RGS6: variants seen among roughly 807,000 people sequenced by gnomAD.
The protein encoded by RGS6 is regulator of G protein signaling 6.
Under a neutral mutation model 78.5 loss-of-function variants are expected in RGS6, and 30 were observed. That is an observed-to-expected ratio of 0.38 (90% CI 0.29 to 0.52). RGS6 has a LOEUF of 0.52. Among genes scored for constraint, RGS6 ranks in the 20% least tolerant of loss-of-function variants. RGS6 has a pLI of 0.85. For missense variants in RGS6, 495 were observed against 609.7 expected, an observed-to-expected ratio of 0.81 and a Z score of 1.98; for synonymous variants, 206 against 206.0, an observed-to-expected ratio of 1.00 and a Z score of 0.00.
chr14:71,963,976 C>A (rs2093362627), intron 1 of RGS6, among the ~76,000 whole-genome samples: 1 of 151,456 alleles, frequency 6.6e-6, no homozygotes, highest in Non-Finnish European at 1.5e-5. Flanking sequence ...ACATTCCTAC[C>A]AGCAATGTTT....
intron 2 of RGS6, among the ~76,000 whole-genome samples, chr14:72,294,593 C>T (rs1346464419): frequency 1.3e-5 from 2 of 152,130 alleles, no homozygotes; most frequent in Non-Finnish European, 2.9e-5. Flanking sequence ...TTGCTGGAGG[C>T]TGTGCAGGAA....
chr14:72,334,211 G>A (rs913636596), intron 2 of RGS6, among the ~76,000 whole-genome samples: 3 of 152,232 alleles, frequency 2.0e-5, no homozygotes, highest in African/African-American at 7.2e-5. Flanking sequence ...TTCCCCATAA[G>A]GCTCAGTGCT....
intron 2 of RGS6, among the ~76,000 whole-genome samples, chr14:72,254,792 G>A (rs2056704212): frequency 6.6e-6 from 1 of 152,158 alleles, no homozygotes; most frequent in Non-Finnish European, 1.5e-5. Context: ...AGAACATCCA[G>A]TCCCTGTACA....
At chr14:72,502,939 C>A (rs571454379) in intron 13 of RGS6, among the ~76,000 whole-genome samples, 1 of 152,128 alleles carries the variant, frequency 6.6e-6, no homozygotes, top group Non-Finnish European at 1.5e-5. Context: ...TGCCTTATTT[C>A]GTAATTTTTC....
intron 3 of RGS6, among the ~76,000 whole-genome samples, chr14:72,406,586 G>T (rs990926870): frequency 5.9e-5 from 9 of 152,142 alleles, no homozygotes; most frequent in Admixed American, 4.6e-4. Flanking sequence ...CAGGGGGTGG[G>T]TGTCAGTTTC....
intron 2 of RGS6, among the ~76,000 whole-genome samples, chr14:71,981,676 C>T (rs1318786203): frequency 6.6e-6 from 1 of 151,788 alleles, no homozygotes; most frequent in African/African-American, 2.4e-5. Flanking sequence ...GGGAGAACCA[C>T]TGCTCTCTTC....
intron 2 of RGS6, among the ~76,000 whole-genome samples, chr14:71,965,598 TG>T (rs1234592633): frequency 6.6e-6 from 1 of 152,144 alleles, no homozygotes; most frequent in African/African-American, 2.4e-5. Flanking sequence ...GATAGGATTT[TG>T]GGAAGAGAGG....
intron 2 of RGS6, among the ~76,000 whole-genome samples, chr14:72,083,613 G>T (rs993923480): frequency 3.9e-5 from 6 of 152,158 alleles, no homozygotes; most frequent in African/African-American, 1.2e-4. Context: ...CTTCTGAGCT[G>T]CTCAGAAAGG....
the RGS6 span, among the ~76,000 whole-genome samples, chr14:72,620,727 C>T: frequency 9.8e-5 from 15 of 152,368 alleles, no homozygotes; most frequent in East Asian, 2.9e-3. Context: ...CTTTGCTAAT[C>T]TACCTCAACT....
chr14:72,582,989 G>C, the RGS6 span, among the ~76,000 whole-genome samples: 3 of 151,464 alleles, frequency 2.0e-5, no homozygotes, highest in African/African-American at 7.3e-5. Flanking sequence ...GGGAGATACT[G>C]TCTAATCAGC....
chr14:72,300,621 A>C (rs2065853188), intron 2 of RGS6, among the ~76,000 whole-genome samples: 1 of 152,218 alleles, frequency 6.6e-6, no homozygotes, highest in Non-Finnish European at 1.5e-5. Context: ...CTGAGTTGTG[A>C]AACGTCTCGA....
At chr14:72,204,684 C>T (rs529958905) in intron 2 of RGS6, among the ~76,000 whole-genome samples, 15 of 152,300 alleles carry the variant, frequency 9.8e-5, no homozygotes, top group African/African-American at 3.6e-4. Context: ...CTCTCTCAGG[C>T]TTCTTTTTAA....
the RGS6 span, among the ~76,000 whole-genome samples, chr14:71,882,165 C>G: frequency 6.6e-6 from 1 of 152,214 alleles, no homozygotes; most frequent in Admixed American, 6.5e-5. Context: ...TTCACCTATT[C>G]TAGCTAACTT....
intron 17 of RGS6, among the ~76,000 whole-genome samples, chr14:72,542,062 G>T (rs541799325): frequency 6.6e-6 from 1 of 152,158 alleles, no homozygotes; most frequent in African/African-American, 2.4e-5. Context: ...AAGGAGAAAA[G>T]TATCCTAAGC....
chr14:72,430,196 A>C (rs1730061735), intron 3 of RGS6, among the ~76,000 whole-genome samples: 5 of 152,224 alleles, frequency 3.3e-5, no homozygotes, highest in African/African-American at 1.2e-4. Flanking sequence ...ATATGCAGAC[A>C]GCCATTCTTT....
At chr14:72,386,517 G>A (rs369569954) in intron 3 of RGS6, among the ~76,000 whole-genome samples, 1 of 152,162 alleles carries the variant, frequency 6.6e-6, no homozygotes. Context: ...CAGCCTGAGC[G>A]ACAGAGCGAG....
intron 2 of RGS6, among the ~76,000 whole-genome samples, chr14:72,032,606 G>A (rs12435142): frequency 0.56 from 84,782 of 151,858 alleles, 23,946 homozygotes; most frequent in East Asian, 0.66. Context: ...ACAGTAACTT[G>A]TCTTCACCCT....
At chr14:72,380,769 CA>C (rs1021290295) in intron 3 of RGS6, among the ~76,000 whole-genome samples, 4 of 152,106 alleles carry the variant, frequency 2.6e-5, no homozygotes, top group Middle Eastern at 3.4e-3. Context: ...GGAGGTTCCT[CA>C]AAACACTAAA....
intron 2 of RGS6, among the ~76,000 whole-genome samples, chr14:72,284,168 C>A (rs908150221): frequency 1.3e-5 from 2 of 152,152 alleles, no homozygotes; most frequent in African/African-American, 2.4e-5. Context: ...CATAAAAGTT[C>A]AGAAAATTTG....
Sources: allele counts gnomAD v4.1 joint callset (sites outside exome capture counted in the v4.1 genomes callset), GRCh38; gene constraint gnomAD v4.1.1; transcripts MANE v1.5; gene names NCBI Gene and HGNC (gene_info 2026-07-23, HGNC 2026-07-21).